MATR3: variants seen among roughly 807,000 people sequenced by gnomAD.
The protein encoded by MATR3 is matrin-3.
MATR3 carries 4 observed loss-of-function variants against 85.5 expected under a neutral mutation model. The ratio of observed to expected loss-of-function variants is 0.05; its 90% CI spans 0.02 to 0.11. The LOEUF (loss-of-function observed/expected upper bound fraction) is 0.11. Among genes scored for constraint, MATR3 ranks in the 10% least tolerant of loss-of-function variants. The pLI, the probability that MATR3 is intolerant of heterozygous loss-of-function variation, is 1.00. For missense variants in MATR3, 685 were observed against 1,016.1 expected (o/e 0.67, Z 4.43); for synonymous variants, 336 against 343.1 (o/e 0.98, Z 0.23).
In MATR3 at chr5:139,331,111, C is replaced by CA. The variant is rs1395964114; in HGVS notation, c.*1723dup. 2.6e-5 allele frequency: 12 copies of CA among 453,774 alleles called. No homozygotes were observed. The East Asian group carries it at 7.6e-4, about 29-fold the overall frequency. The allele number at this position is 453,774 out of a possible 1,614,324, so 28.1% of individuals were successfully genotyped here. ...TGGCCAAGAAACAAAGTTTTAATTT[C>CA]AAAAAAATCTACAAAAACAGGATAG... On this transcript the variant is annotated 3_prime_UTR_variant, in exon 15 of 15. Transcript: ENST00000394805.
At chr5:139,327,200 A>T (rs1023185861) in intron 14 of MATR3, among the ~76,000 whole-genome samples, 1 of 152,204 alleles carries the variant, frequency 6.6e-6, no homozygotes, top group Non-Finnish European at 1.5e-5. Context: ...ATAATAAGTT[A>T]ACTATAGTTA....
In MATR3 at chr5:139,319,458, A is replaced by T; in HGVS notation, c.1559A>T (p.Tyr520Phe). The T allele has an allele frequency of 1.2e-6, 2 of 1,613,976 alleles. No homozygotes were observed. Among genetic ancestry groups the T allele is most frequent in the Non-Finnish European group, 1.7e-6 (2 of 1,179,944 alleles). Residue 520 changes from tyrosine to phenylalanine, a missense_variant, in exon 9 of 15, where the codon TAT becomes TTT. Tyr to Phe is a conservative substitution (Grantham distance 22). Transcript: ENST00000394805. Reference protein sequence around the residue: ...DSAVLKLAEPYGKIKNYILMR... With the variant: ...DSAVLKLAEPFGKIKNYILMR... ...GCTGTTCTCAAGCTTGCTGAGCCTT[A>T]TGGGAAAATAAAGAATTACATATTG...
At position 139,319,553 on chromosome 5, in the gene MATR3, A is replaced by C. The variant is rs759150995; in HGVS notation, c.1602+52A>C. On this transcript the variant is annotated intron_variant, in intron 9 of 14. Transcript: ENST00000394805. ...AAGATAATTTATTAAAATCCTTAAG[A>C]TTTTTCAATATGGAGCTGGGCGTCA... The C allele has an allele frequency of 1.6e-5, 24 of 1,512,312 alleles. No individual in the cohort carries two copies. The South Asian group carries it at 2.7e-4, about 17-fold the overall frequency. The allele number at this position is 1,512,312 out of a possible 1,614,324, so 93.7% of individuals were successfully genotyped here.
intron 3 of MATR3, chr5:139,315,476 A>G: frequency 2.0e-6 from 1 of 495,110 alleles, no homozygotes. Context: ...CATTATCTGC[A>G]TTTGCAAGCA....
At chr5:139,316,820 A>G (rs1321045087) in intron 5 of MATR3, among the ~76,000 whole-genome samples, 1 of 152,174 alleles carries the variant, frequency 6.6e-6, no homozygotes, top group Non-Finnish European at 1.5e-5. Flanking sequence ...TGCTGGGATT[A>G]CAGGTTTGAG....
chr5:139,331,331 A>T lies in MATR3; in HGVS notation c.*1936A>T. The T allele has an allele frequency of 2.2e-6, 1 of 454,166 alleles. No homozygotes were observed. Among genetic ancestry groups the T allele is most frequent in the South Asian group, 1.6e-5 (1 of 64,480 alleles). 28.1% of individuals were successfully genotyped at this position (454,166 alleles called of 1,614,324 possible). On this transcript the variant is annotated 3_prime_UTR_variant, in exon 15 of 15. Transcript: ENST00000394805. ...CCACTTCTGTTTAATTCCAATTTTT[A>T]ACAGCAGGTACATAAAGCATTATGT...
intron 14 of MATR3, among the ~76,000 whole-genome samples, chr5:139,327,484 C>T (rs772853151): frequency 9.2e-5 from 14 of 152,178 alleles, no homozygotes; most frequent in Admixed American, 3.3e-4. Flanking sequence ...TGCAATGGCG[C>T]GATTTTGGCT....
chr5:139,327,311 T>TG (rs1394340969), intron 14 of MATR3, among the ~76,000 whole-genome samples: 1 of 152,026 alleles, frequency 6.6e-6, no homozygotes, highest in Non-Finnish European at 1.5e-5. Context: ...TCTGTTTTTT[T>TG]TTTTTTTTTT....
intron 3 of MATR3, among the ~76,000 whole-genome samples, chr5:139,281,703 T>A (rs184557989): frequency 6.6e-6 from 1 of 152,228 alleles, no homozygotes; most frequent in African/African-American, 2.4e-5. Context: ...AAAACTTGAA[T>A]GAGACTGGCA....
chr5:139,312,376 G>C (rs1402184511), intron 2 of MATR3: 1 of 152,274 alleles, frequency 6.6e-6, no homozygotes, highest in Non-Finnish European at 1.5e-5. Context: ...GGGATCGTAT[G>C]CGTGAGCCAC....
intron 3 of MATR3, chr5:139,279,366 C>A (rs987403856): frequency 1.7e-5 from 5 of 296,728 alleles, no homozygotes; most frequent in Admixed American, 8.8e-5. Context: ...GTAGCTGGGA[C>A]TACAGGCACC....
intron 3 of MATR3, among the ~76,000 whole-genome samples, chr5:139,281,300 GAGT>G (rs968952593): frequency 2.6e-5 from 4 of 151,022 alleles, no homozygotes; most frequent in Non-Finnish European, 5.9e-5. Context: ...TCAGCCTCCT[GAGT>G]AGCTAGGATT....
chr5:139,276,821 C>G (rs1753295006), intron 2 of MATR3, among the ~76,000 whole-genome samples: 1 of 152,136 alleles, frequency 6.6e-6, no homozygotes, highest in African/African-American at 2.4e-5. Flanking sequence ...TCATGACACC[C>G]TTTGTAGAGG....
chr5:139,319,286 C>A (rs749812622), intron 8 of MATR3, 48 bp from the exon 9 acceptor site: 2 of 1,545,878 alleles, frequency 1.3e-6, no homozygotes, highest in Non-Finnish European at 1.8e-6. Flanking sequence ...TAACTGTTAA[C>A]TAATAATTAT....
chr5:139,294,473 ACG>A (rs545311713), intron 1 of MATR3: 164 of 150,716 alleles, frequency 1.1e-3, no homozygotes, highest in Non-Finnish European at 1.4e-3. Context: ...CCCGGCCCAC[ACG>A]CGCGCGCGCG....
At chr5:139,323,810 G>C (rs1245797828) in intron 12 of MATR3, among the ~76,000 whole-genome samples, 1 of 152,090 alleles carries the variant, frequency 6.6e-6, no homozygotes, top group African/African-American at 2.4e-5. Flanking sequence ...AGAATTGCTT[G>C]AATCTGGGAG....
chr5:139,308,473 T>G, intron 2 of MATR3, 146 bp downstream of exon 2: 1 of 987,244 alleles, frequency 1.0e-6, no homozygotes, highest in Admixed American at 2.0e-5. Context: ...ATTTGGAAGG[T>G]AATTGTTTTT....
chr5:139,289,447 T>A (rs1561922457), upstream of MATR3, among the ~76,000 whole-genome samples: 1 of 152,206 alleles, frequency 6.6e-6, no homozygotes, highest in East Asian at 1.9e-4. Context: ...TCTAAATTTA[T>A]AAATATGATA....
intron 7 of MATR3, among the ~76,000 whole-genome samples, chr5:139,318,547 C>T (rs1755373907): frequency 6.6e-6 from 1 of 152,200 alleles, no homozygotes; most frequent in Non-Finnish European, 1.5e-5. Context: ...TCAAGCCATT[C>T]TCCTGCCTCA....
Sources: allele counts gnomAD v4.1 joint callset (sites outside exome capture counted in the v4.1 genomes callset), GRCh38; gene constraint gnomAD v4.1.1; transcripts MANE v1.5; gene names NCBI Gene and HGNC (gene_info 2026-07-23, HGNC 2026-07-21).